CTNND2: variants seen among roughly 807,000 people sequenced by gnomAD.
CTNND2 encodes the protein catenin delta-2.
CTNND2 carries 22 observed loss-of-function variants against 144.4 expected under a neutral mutation model. The ratio of observed to expected loss-of-function variants is 0.15; its 90% CI spans 0.11 to 0.22. The LOEUF is 0.22. CTNND2 is among the 10% of genes least tolerant of loss of function. The pLI, the probability that CTNND2 is intolerant of heterozygous loss-of-function variation, is 1.00. For synonymous variants in CTNND2, 751 were observed against 695.6 expected (o/e 1.08, Z -1.25); for missense variants, 1,353 against 1,618.8 (o/e 0.84, Z 2.82).
chr5:11,042,481 C>T (rs1157152772), intron 16 of CTNND2, among the ~76,000 whole-genome samples: 2 of 152,186 alleles, frequency 1.3e-5, no homozygotes, highest in Admixed American at 6.5e-5. Flanking sequence ...AAAATTTCAT[C>T]TTCCTTATTA....
chr5:11,412,542 T>G (rs555957535), intron 3 of CTNND2, among the ~76,000 whole-genome samples: 2 of 152,116 alleles, frequency 1.3e-5, no homozygotes, highest in African/African-American at 2.4e-5. Flanking sequence ...TTTAAGAGTT[T>G]AAGTAATTTA....
intron 16 of CTNND2, among the ~76,000 whole-genome samples, chr5:11,069,925 T>A (rs532609579): frequency 6.6e-6 from 1 of 152,320 alleles, no homozygotes; most frequent in African/African-American, 2.4e-5. Flanking sequence ...AAAGCCCAGA[T>A]ATAGTTAAAG....
intron 1 of CTNND2, among the ~76,000 whole-genome samples, chr5:11,752,539 GTTC>G (rs1788681260): frequency 2.0e-5 from 3 of 148,716 alleles, no homozygotes. Flanking sequence ...CTATGTGTCT[GTTC>G]TTTTTTTTTT....
Position 11,377,312 on chromosome 5 carries a change from C to T in CTNND2, c.1177+7353G>A, listed in dbSNP as rs191514033. On this transcript the variant is annotated intron_variant, in intron 7 of 21. Coordinates refer to ENST00000304623, the MANE Select transcript of CTNND2 (RefSeq NM_001332.4). ...CCTCATGATCTGCCTACCTCAGCTT[C>T]CCAAAGTGCTGGGATTACAGGTGTG... is the stretch of plus-strand genomic sequence containing the variant. Among the ~76,000 whole-genome samples the T allele has an allele frequency of 1.1e-3, 166 of 152,214 alleles. 1 individual carries two copies. The highest frequency in any genetic ancestry group is 3.6e-3 in the African/African-American group (150 of 41,536).
intron 2 of CTNND2, among the ~76,000 whole-genome samples, chr5:11,698,497 C>T (rs959542580): frequency 6.6e-6 from 1 of 152,024 alleles, no homozygotes; most frequent in Non-Finnish European, 1.5e-5. Context: ...CCATGTTGGC[C>T]AGGATGGTCT....
At chr5:11,721,374 G>GT (rs11430959) in intron 2 of CTNND2, among the ~76,000 whole-genome samples, 34,637 of 151,314 alleles carry the variant, frequency 0.23, 4,812 homozygotes, top group African/African-American at 0.4. Flanking sequence ...TCAATAAGCT[G>GT]TTTTTTTTTA....
At chr5:11,800,631 TA>T (rs1561808181) in intron 1 of CTNND2, among the ~76,000 whole-genome samples, 1 of 152,114 alleles carries the variant, frequency 6.6e-6, no homozygotes, top group South Asian at 2.1e-4. Context: ...GAGAAACTTC[TA>T]AAAAAATTTT....
intron 1 of CTNND2, among the ~76,000 whole-genome samples, chr5:11,830,410 T>C (rs1793833489): frequency 6.6e-6 from 1 of 152,152 alleles, no homozygotes; most frequent in Non-Finnish European, 1.5e-5. Flanking sequence ...TGGGGGCAAG[T>C]CTTTCCCGTG....
chr5:11,229,881 C>T (rs1368719349), intron 10 of CTNND2, among the ~76,000 whole-genome samples: 1 of 151,652 alleles, frequency 6.6e-6, no homozygotes, highest in African/African-American at 2.4e-5. Context: ...CACCTGCATG[C>T]CAACTCTGGT....
chr5:11,066,180 C>T (rs376326212), intron 16 of CTNND2, among the ~76,000 whole-genome samples: 1 of 151,946 alleles, frequency 6.6e-6, no homozygotes, highest in East Asian at 1.9e-4. Flanking sequence ...GCTGGGACTA[C>T]AGGTGCACGC....
chr5:11,287,974 T>G (rs1747923990), intron 9 of CTNND2, among the ~76,000 whole-genome samples: 1 of 152,228 alleles, frequency 6.6e-6, no homozygotes, highest in South Asian at 2.1e-4. Context: ...ATAATTTATT[T>G]TCTTATGTGT....
At chr5:11,103,234 G>A (rs1290309311) in intron 14 of CTNND2, among the ~76,000 whole-genome samples, 3 of 151,584 alleles carry the variant, frequency 2.0e-5, no homozygotes, top group Non-Finnish European at 4.4e-5. Context: ...CACCCACCTC[G>A]GCCTCCCAGA....
At chr5:11,128,448 G>A (rs1452402662) in intron 12 of CTNND2, among the ~76,000 whole-genome samples, 1 of 152,000 alleles carries the variant, frequency 6.6e-6, no homozygotes, top group Non-Finnish European at 1.5e-5. Context: ...AGTGTCTGAA[G>A]TTCTGGCCCA....
chr5:11,469,129 G>A (rs1277375714), intron 3 of CTNND2, among the ~76,000 whole-genome samples: 1 of 152,176 alleles, frequency 6.6e-6, no homozygotes. Flanking sequence ...TTCCACAGCT[G>A]AGGCTGCCCT....
chr5:11,725,773 AAT>A (rs1786983326), intron 2 of CTNND2, among the ~76,000 whole-genome samples: 1 of 152,226 alleles, frequency 6.6e-6, no homozygotes, highest in African/African-American at 2.4e-5. Flanking sequence ...AAAATATGTA[AAT>A]TAAAGGAATT....
chr5:11,671,384 TC>T (rs1783865743), intron 2 of CTNND2, among the ~76,000 whole-genome samples: 1 of 152,204 alleles, frequency 6.6e-6, no homozygotes, highest in Non-Finnish European at 1.5e-5. Flanking sequence ...CTGACTTGGT[TC>T]CATTATCCCT....
Position 11,411,608 on chromosome 5 carries a change from G to T in CTNND2, c.367C>A (p.Leu123Met). 6.2e-7 allele frequency: 1 copy of T among 1,612,692 alleles called. No individual in the cohort carries two copies. ...AGTGACCTAATACAGGAGTCCACCAGCTCGAGACCTGTTGTAAGCTCATCT... is the reference window on the plus strand; with the variant it reads ...AGTGACCTAATACAGGAGTCCACCATCTCGAGACCTGTTGTAAGCTCATCT... ...IEDELTTGLE[L>M]VDSCIRSLQE... is the part of the protein sequence containing the mutation. Residue 123 changes from leucine to methionine, a missense_variant, in exon 5 of 22, where the codon CTG becomes ATG. Coordinates refer to ENST00000304623, the MANE Select transcript of CTNND2 (RefSeq NM_001332.4).
chr5:11,560,788 G>T (rs149661152), intron 3 of CTNND2, among the ~76,000 whole-genome samples: 1 of 152,338 alleles, frequency 6.6e-6, no homozygotes, highest in East Asian at 1.9e-4. Context: ...ATTCTAGGAA[G>T]AAAGCATCAT....
chr5:11,713,897 G>A (rs1042931522), intron 2 of CTNND2, among the ~76,000 whole-genome samples: 3 of 151,848 alleles, frequency 2.0e-5, no homozygotes, highest in South Asian at 2.1e-4. Flanking sequence ...TGGACCTACC[G>A]TTCACCTGGA....
Sources: allele counts gnomAD v4.1 joint callset (sites outside exome capture counted in the v4.1 genomes callset), GRCh38; gene constraint gnomAD v4.1.1; transcripts MANE v1.5; gene names NCBI Gene and HGNC (gene_info 2026-07-23, HGNC 2026-07-21).